Variants in SLC39A10 observed in about 807,000 individuals in gnomAD.
The protein encoded by SLC39A10 is solute carrier family 39 member 10.
Under a neutral mutation model 65.1 loss-of-function variants are expected in SLC39A10, and 13 were observed. The ratio of observed to expected loss-of-function variants is 0.20; its 90% confidence interval spans 0.13 to 0.32. The LOEUF (loss-of-function observed/expected upper bound fraction) is 0.32, where lower values mean the gene tolerates loss of function less well. Among genes scored for constraint, SLC39A10 ranks in the 10% least tolerant of loss-of-function variants. SLC39A10 has a pLI of 1.00. For synonymous variants in SLC39A10, 321 were observed against 342.2 expected (o/e 0.94, Z 0.68); for missense variants, 831 against 1,018.4 (o/e 0.82, Z 2.50).
At chr2:195,704,202 A>C (rs1045789244) in intron 3 of SLC39A10, among the ~76,000 whole-genome samples, 4 of 152,032 alleles carry the variant, frequency 2.6e-5, no homozygotes, top group Admixed American at 2.6e-4. Context: ...TGGCTTTTCC[A>C]AGTAGTTTAG....
rs769203457 is a variant in SLC39A10, at chr2:195,734,873, A to G, written c.2338-10A>G. ...TATACAAAGTTTAATGTGAAGATTT[A>G]TTTTTCTAGCTTCCAGAAATGTTGC... is the stretch of plus-strand genomic sequence containing the variant. On this transcript the variant is annotated splice_polypyrimidine_tract_variant and intron_variant, in intron 9 of 9. Coordinates refer to ENST00000359634, the MANE Select transcript of SLC39A10 (RefSeq NM_020342.3). 6.3e-7 allele frequency: 1 copy of G among 1,590,968 alleles called. No homozygotes were observed. The highest frequency in any genetic ancestry group is 2.3e-5 in the East Asian group (1 of 44,076).
intron 3 of SLC39A10, among the ~76,000 whole-genome samples, chr2:195,704,873 C>T (rs1013098252): frequency 6.6e-6 from 1 of 152,166 alleles, no homozygotes; most frequent in African/African-American, 2.4e-5. Context: ...TCTTAGCTCA[C>T]TGGAACCTCC....
intron 1 of SLC39A10, among the ~76,000 whole-genome samples, chr2:195,665,477 A>T (rs535638339): frequency 6.6e-6 from 1 of 152,346 alleles, no homozygotes; most frequent in South Asian, 2.1e-4. Context: ...TCAAAAAATA[A>T]ATACTTGAAA....
At chr2:195,711,889 G>C (rs1691612132) in intron 5 of SLC39A10, among the ~76,000 whole-genome samples, 1 of 151,730 alleles carries the variant, frequency 6.6e-6, no homozygotes, top group Admixed American at 6.6e-5. Context: ...TTAACTCATG[G>C]TTGCCGTTTT....
chr2:195,714,167 G>A (rs563908940), intron 6 of SLC39A10, among the ~76,000 whole-genome samples: 6 of 152,128 alleles, frequency 3.9e-5, no homozygotes, highest in African/African-American at 7.2e-5. Context: ...TCCTGACCTC[G>A]TGATCTGCCC....
intron 3 of SLC39A10, among the ~76,000 whole-genome samples, chr2:195,700,668 C>T (rs187358291): frequency 1.3e-4 from 20 of 152,248 alleles, no homozygotes; most frequent in Admixed American, 3.9e-4. Flanking sequence ...CACTTTTGAA[C>T]GTCAATTTTG....
At chr2:195,726,237 G>A (rs1289009621) in intron 8 of SLC39A10, among the ~76,000 whole-genome samples, 1 of 152,162 alleles carries the variant, frequency 6.6e-6, no homozygotes, top group Non-Finnish European at 1.5e-5. Flanking sequence ...TGTTCATTGA[G>A]TATTAAATAA....
rs915027885 is a variant in SLC39A10 at position 195,616,286 on chromosome 2, T to G, written c.-12+10053T>G. 4.7e-5 allele frequency among the ~76,000 whole-genome samples: 7 copies of G among 147,842 alleles called. No homozygotes were observed. In the Admixed American group the frequency reaches 4.9e-4, roughly 10 times the overall value. ...AGGAGATTTTAAACTGATATTTTAA[T>G]ATTTCAATTTGGATTGATTGATTGA... On this transcript the variant is annotated intron_variant, in intron 2 of 2. Coordinates refer to the SLC39A10 transcript ENST00000458054.
chr2:195,639,782 C>A (rs957241756), intron 2 of SLC39A10, among the ~76,000 whole-genome samples: 1 of 152,032 alleles, frequency 6.6e-6, no homozygotes, highest in African/African-American at 2.4e-5. Context: ...CGCCATATTG[C>A]CCAAGCTGGT....
intron 1 of SLC39A10, among the ~76,000 whole-genome samples, chr2:195,667,101 C>T (rs1226238214): frequency 6.6e-6 from 1 of 152,198 alleles, no homozygotes; most frequent in African/African-American, 2.4e-5. Flanking sequence ...TATTCTCTCT[C>T]AAGTTAGTGA....
intron 8 of SLC39A10, among the ~76,000 whole-genome samples, chr2:195,723,874 G>A (rs1432419619): frequency 6.6e-6 from 1 of 151,966 alleles, no homozygotes; most frequent in African/African-American, 2.4e-5. Context: ...ATATACCTCT[G>A]TAACAATCCT....
chr2:195,698,583 G>GT (rs1277079340), intron 3 of SLC39A10, among the ~76,000 whole-genome samples: 1 of 151,448 alleles, frequency 6.6e-6, no homozygotes, highest in Non-Finnish European at 1.5e-5. Flanking sequence ...TCATGTGGGT[G>GT]TTTTTTTCTT....
At chr2:195,636,487 C>T (rs1283102898) in intron 2 of SLC39A10, among the ~76,000 whole-genome samples, 2 of 152,216 alleles carry the variant, frequency 1.3e-5, no homozygotes, top group Admixed American at 6.5e-5. Context: ...CGCAGTGGCT[C>T]ACGCCTGTAA....
chr2:195,662,645 C>T (rs776250029), intron 1 of SLC39A10, among the ~76,000 whole-genome samples: 1 of 152,074 alleles, frequency 6.6e-6, no homozygotes, highest in Non-Finnish European at 1.5e-5. Flanking sequence ...CACCTCTAGG[C>T]TTTTTTCTAA....
chr2:195,710,438 C>T (rs573275574), intron 5 of SLC39A10, among the ~76,000 whole-genome samples: 13 of 152,242 alleles, frequency 8.5e-5, no homozygotes, highest in Admixed American at 3.3e-4. Flanking sequence ...TTTTAAGATA[C>T]AATTTTATAC....
chr2:195,624,939 G>T (rs908370857), intron 2 of SLC39A10, among the ~76,000 whole-genome samples: 3 of 144,928 alleles, frequency 2.1e-5, no homozygotes, highest in African/African-American at 7.6e-5. Context: ...GGGGCCGGGC[G>T]CAGTGACTCA....
At chr2:195,729,790 G>T (rs1692373684) in intron 9 of SLC39A10, among the ~76,000 whole-genome samples, 1 of 151,626 alleles carries the variant, frequency 6.6e-6, no homozygotes, top group African/African-American at 2.4e-5. Context: ...AGGATATTTT[G>T]GTTGGTTTTG....
chr2:195,667,820 G>T (rs565875378), intron 1 of SLC39A10, among the ~76,000 whole-genome samples: 1 of 152,148 alleles, frequency 6.6e-6, no homozygotes, highest in African/African-American at 2.4e-5. Flanking sequence ...ATGGATATAC[G>T]AGAAGTAGGG....
intron 2 of SLC39A10, among the ~76,000 whole-genome samples, chr2:195,619,685 T>C (rs974685952): frequency 2.0e-5 from 3 of 151,782 alleles, no homozygotes; most frequent in Admixed American, 1.3e-4. Context: ...ACTTCAGCAA[T>C]GGTGAGACAG....
Sources: gnomAD v4.1 joint callset for allele counts (sites outside exome capture counted in the v4.1 genomes callset) on GRCh38, gnomAD v4.1.1 for gene constraint, MANE v1.5 for transcripts, NCBI Gene and HGNC (gene_info 2026-07-23, HGNC 2026-07-21) for gene names.